The following NXPH1 variants were observed in gnomAD, a reference collection of about 807,000 sequenced individuals.
NXPH1 encodes the protein neurexophilin 1, also known as neurexophilin-1.
Under a neutral mutation model 23.7 loss-of-function variants are expected in NXPH1, and 5 were observed. That is an observed-to-expected ratio of 0.21 (90% CI 0.11 to 0.44). NXPH1 has a LOEUF of 0.44. Among genes scored for constraint, NXPH1 ranks in the 20% least tolerant of loss-of-function variants. NXPH1 has a pLI of 0.99. For synonymous variants in NXPH1, 144 were observed against 122.2 expected, an observed-to-expected ratio of 1.18 and a Z score of -1.18; for missense variants, 324 against 321.6, an observed-to-expected ratio of 1.01 and a Z score of -0.06.
intron 2 of NXPH1, among the ~76,000 whole-genome samples, chr7:8,522,508 G>A (rs10233696): frequency 1.7e-3 from 265 of 152,224 alleles, no homozygotes; most frequent in African/African-American, 6.0e-3. Context: ...TTATAGAGTA[G>A]ACAATTCTTT....
chr7:8,733,830 C>G (rs1780199955), intron 2 of NXPH1, among the ~76,000 whole-genome samples: 2 of 152,128 alleles, frequency 1.3e-5, no homozygotes, highest in African/African-American at 4.8e-5. Flanking sequence ...TGTAGGTTGT[C>G]TGTTCACTCT....
chr7:8,447,064 T>C (rs1014542085), intron 2 of NXPH1, among the ~76,000 whole-genome samples: 1 of 152,218 alleles, frequency 6.6e-6, no homozygotes, highest in African/African-American at 2.4e-5. Flanking sequence ...CTGGGCTATA[T>C]GAGACCTGTT....
chr7:8,525,323 G>A (rs1817844191), intron 2 of NXPH1, among the ~76,000 whole-genome samples: 1 of 152,212 alleles, frequency 6.6e-6, no homozygotes, highest in Non-Finnish European at 1.5e-5. Flanking sequence ...AAGCATTCAA[G>A]GGGTAACTTG....
At chr7:8,728,910 A>G (rs1215854460) in intron 2 of NXPH1, among the ~76,000 whole-genome samples, 1 of 150,220 alleles carries the variant, frequency 6.7e-6, no homozygotes, top group African/African-American at 2.4e-5. Context: ...TTTCAGAAGG[A>G]ATGGTACCAG....
chr7:8,610,977 G>A (rs1819604528), intron 2 of NXPH1, among the ~76,000 whole-genome samples: 1 of 152,248 alleles, frequency 6.6e-6, no homozygotes, highest in Admixed American at 6.5e-5. Context: ...CTTAACTTGA[G>A]TCACAATAGC....
At chr7:8,448,002 C>T (rs1353113691) in intron 2 of NXPH1, among the ~76,000 whole-genome samples, 1 of 152,236 alleles carries the variant, frequency 6.6e-6, no homozygotes, top group Non-Finnish European at 1.5e-5. Flanking sequence ...AGAGAGCAAA[C>T]AGGCCTGTTT....
At chr7:8,738,597 G>T (rs1324673486) in intron 2 of NXPH1, among the ~76,000 whole-genome samples, 3 of 152,178 alleles carry the variant, frequency 2.0e-5, no homozygotes, top group African/African-American at 7.2e-5. Context: ...GGAGGCACGG[G>T]AGTGAGGGAC....
chr7:8,494,618 C>A (rs1739795944), intron 2 of NXPH1, among the ~76,000 whole-genome samples: 3 of 151,994 alleles, frequency 2.0e-5, no homozygotes, highest in Admixed American at 1.3e-4. Context: ...TCCCTACCTC[C>A]AAATACCTTG....
At position 8,612,365 on chromosome 7, in the gene NXPH1, C is replaced by A. The variant is rs140886312; in HGVS notation, c.55-138643C>A. ...GCTGCAATAAAGGCTGTTTTGGTGA[C>A]TCCCTGCTTCTCTTTTCTTCTCTCA... is the stretch of plus-strand genomic sequence containing the variant. On this transcript the variant is annotated intron_variant, in intron 2 of 2. Transcript: ENST00000405863. Among the ~76,000 whole-genome samples the A allele has an allele frequency of 2.4e-3, 368 of 151,536 alleles. 3 individuals are homozygous for A. Among genetic ancestry groups the A allele is most frequent in the African/African-American group, 8.0e-3 (333 of 41,428 alleles).
intron 2 of NXPH1, among the ~76,000 whole-genome samples, chr7:8,491,891 C>T (rs553752479): frequency 2.1e-4 from 32 of 152,124 alleles, no homozygotes; most frequent in African/African-American, 2.9e-4. Context: ...TTCTTTTCGT[C>T]GCCTTTTAGT....
chr7:8,457,439 C>G (rs956301766), intron 2 of NXPH1, among the ~76,000 whole-genome samples: 3 of 152,090 alleles, frequency 2.0e-5, no homozygotes, highest in African/African-American at 4.8e-5. Flanking sequence ...GACAGCTAGG[C>G]CTGGAGGCCC....
At chr7:8,708,229 C>T (rs957534764) in intron 2 of NXPH1, among the ~76,000 whole-genome samples, 2 of 152,136 alleles carry the variant, frequency 1.3e-5, no homozygotes, top group African/African-American at 4.8e-5. Context: ...TTAATTCATT[C>T]AACTGACATG....
At chr7:8,715,741 G>A (rs1779866439) in intron 2 of NXPH1, among the ~76,000 whole-genome samples, 1 of 152,118 alleles carries the variant, frequency 6.6e-6, no homozygotes, top group African/African-American at 2.4e-5. Context: ...GAGGGAAATG[G>A]CAGGCTTGTA....
At chr7:8,563,147 A>G (rs987683119) in intron 2 of NXPH1, among the ~76,000 whole-genome samples, 27 of 151,746 alleles carry the variant, frequency 1.8e-4, no homozygotes, top group African/African-American at 6.3e-4. Flanking sequence ...TCAAAATGAA[A>G]CCAATTCTCT....
intron 2 of NXPH1, among the ~76,000 whole-genome samples, chr7:8,524,241 C>CAAAAAAAA (rs34744233): frequency 1.4e-5 from 1 of 73,718 alleles, no homozygotes; most frequent in Non-Finnish European, 2.4e-5. Context: ...GACTCTGTCT[C>CAAAAAAAA]AAAAAAAAAA....
chr7:8,570,832 T>C (rs1166639022), intron 2 of NXPH1, among the ~76,000 whole-genome samples: 2 of 151,618 alleles, frequency 1.3e-5, no homozygotes, highest in Admixed American at 1.3e-4. Context: ...GATTGGGTGG[T>C]TTATATTTTG....
chr7:8,635,600 C>T (rs948327657), intron 2 of NXPH1, among the ~76,000 whole-genome samples: 3 of 152,200 alleles, frequency 2.0e-5, no homozygotes, highest in African/African-American at 7.2e-5. Context: ...AGAGAACCAT[C>T]ACTCAATTAC....
chr7:8,553,040 C>A (rs1818303197), intron 2 of NXPH1, among the ~76,000 whole-genome samples: 1 of 151,430 alleles, frequency 6.6e-6, no homozygotes, highest in Non-Finnish European at 1.5e-5. Flanking sequence ...ACATATGTAC[C>A]AAATTCCCTT....
chr7:8,592,090 A>G (rs1258721771), intron 2 of NXPH1, among the ~76,000 whole-genome samples: 2 of 151,988 alleles, frequency 1.3e-5, no homozygotes, highest in Non-Finnish European at 2.9e-5. Context: ...TCATCTAAAT[A>G]TATAACTGTA....
Sources: gnomAD v4.1 joint callset for allele counts (sites outside exome capture counted in the v4.1 genomes callset) on GRCh38, gnomAD v4.1.1 for gene constraint, MANE v1.5 for transcripts, NCBI Gene and HGNC (gene_info 2026-07-23, HGNC 2026-07-21) for gene names.